RPS6KC1: variants seen among roughly 807,000 people sequenced by gnomAD.
The protein encoded by RPS6KC1 is ribosomal protein S6 kinase C1.
RPS6KC1 carries 54 observed loss-of-function variants against 103.8 expected under a neutral mutation model. The ratio of observed to expected loss-of-function variants is 0.52; its 90% CI spans 0.42 to 0.65. The LOEUF (loss-of-function observed/expected upper bound fraction) is 0.65. Ranked by LOEUF, RPS6KC1 falls within the 30% of genes least tolerant of loss-of-function variation. The pLI, the probability that RPS6KC1 is intolerant of heterozygous loss-of-function variation, is 0.00. For synonymous variants in RPS6KC1, 439 were observed against 438.7 expected (o/e 1.00, Z -0.01); for missense variants, 1,151 against 1,253.8 (o/e 0.92, Z 1.24).
At chr1:213,104,381 C>G (rs778463671) in intron 3 of RPS6KC1, 73 bp from the exon 4 acceptor site, 5 of 950,352 alleles carry the variant, frequency 5.3e-6, no homozygotes, top group Non-Finnish European at 8.3e-6. Flanking sequence ...GCTTTCTGAT[C>G]TGTGGACGTA....
chr1:213,815,023 A>T, the RPS6KC1 span, among the ~76,000 whole-genome samples: 1 of 152,114 alleles, frequency 6.6e-6, no homozygotes, highest in Admixed American at 6.5e-5. Flanking sequence ...TAGTTTCCAT[A>T]ATCTCCACGT....
chr1:213,053,553 C>T (rs954726359), intron 1 of RPS6KC1, among the ~76,000 whole-genome samples: 3 of 152,140 alleles, frequency 2.0e-5, no homozygotes, highest in Non-Finnish European at 4.4e-5. Context: ...GTTTAGTATA[C>T]TTAAGTGTGA....
intron 6 of RPS6KC1, among the ~76,000 whole-genome samples, chr1:213,134,578 A>G (rs1262272067): frequency 6.6e-6 from 1 of 152,078 alleles, no homozygotes; most frequent in Non-Finnish European, 1.5e-5. Flanking sequence ...TTTATAGTTT[A>G]TTCTTGGGTA....
the RPS6KC1 span, among the ~76,000 whole-genome samples, chr1:213,302,055 T>C: frequency 2.4e-4 from 37 of 152,020 alleles, no homozygotes; most frequent in Admixed American, 2.0e-4. Flanking sequence ...TTTATAAAAA[T>C]AAAAATATAA....
At chr1:213,640,395 A>T in the RPS6KC1 span, among the ~76,000 whole-genome samples, 1 of 148,380 alleles carries the variant, frequency 6.7e-6, no homozygotes. Flanking sequence ...TTCTGTTTTC[A>T]GTTTCATTGA....
chr1:213,272,544 G>C lies in RPS6KC1; in HGVS notation c.3111G>C (p.Leu1037=), dbSNP rs926537902. 5 of 1,613,802 alleles carry C rather than the reference G, an allele frequency of 3.1e-6. No individual in the cohort carries two copies. The African/African-American group carries it at 6.7e-5, about 22-fold the overall frequency. ...TTTAGCTCTTGCAGTTCAATCCTCT[G>C]GAACGACTTGGTGCTGGAGTTGCTG... ...LIQQLLQFNP[L]ERLGAGVAGV... Residue 1037 remains leucine (L), a synonymous_variant, in exon 15 of 15, where the codon CTG becomes CTC. Coordinates refer to ENST00000366960, the MANE Select transcript of RPS6KC1 (RefSeq NM_012424.6).
the RPS6KC1 span, among the ~76,000 whole-genome samples, chr1:213,497,973 CA>C: frequency 6.6e-6 from 1 of 151,698 alleles, no homozygotes; most frequent in East Asian, 1.9e-4. Context: ...AACTAATGAC[CA>C]AAAAAGTTGG....
chr1:213,734,707 A>T, the RPS6KC1 span, among the ~76,000 whole-genome samples: 2 of 152,258 alleles, frequency 1.3e-5, no homozygotes, highest in African/African-American at 4.8e-5. Flanking sequence ...TATAATGTTC[A>T]TTTCAAATAG....
chr1:213,436,751 A>G, the RPS6KC1 span, among the ~76,000 whole-genome samples: 1 of 152,186 alleles, frequency 6.6e-6, no homozygotes, highest in Non-Finnish European at 1.5e-5. Context: ...ACTCCTAGGT[A>G]TTTGAAATTT....
At chr1:213,151,347 T>C (rs2088845143) in intron 6 of RPS6KC1, among the ~76,000 whole-genome samples, 2 of 120,286 alleles carry the variant, frequency 1.7e-5, no homozygotes, top group African/African-American at 6.7e-5. Flanking sequence ...GGCGGGGGGC[T>C]AACCCCCCCA....
intron 3 of RPS6KC1, among the ~76,000 whole-genome samples, 176 bp from the exon 4 acceptor site, chr1:213,104,278 A>C (rs1020180586): frequency 6.6e-6 from 1 of 152,132 alleles, no homozygotes; most frequent in Non-Finnish European, 1.5e-5. Flanking sequence ...TTTCTTTTCT[A>C]CTGAGAGTAC....
intron 10 of RPS6KC1, among the ~76,000 whole-genome samples, chr1:213,236,146 T>G (rs1253807654): frequency 6.6e-6 from 1 of 152,064 alleles, no homozygotes; most frequent in Non-Finnish European, 1.5e-5. Flanking sequence ...TGCCTGATGA[T>G]CTGAGGTGGA....
chr1:213,378,641 G>A, the RPS6KC1 span, among the ~76,000 whole-genome samples: 1 of 152,094 alleles, frequency 6.6e-6, no homozygotes, highest in African/African-American at 2.4e-5. Flanking sequence ...AATAAATGAT[G>A]GATACACATA....
chr1:213,464,727 G>C, the RPS6KC1 span, among the ~76,000 whole-genome samples: 1 of 150,812 alleles, frequency 6.6e-6, no homozygotes, highest in Non-Finnish European at 1.5e-5. Flanking sequence ...CATTGATTTC[G>C]GTATGTCGTA....
chr1:213,598,274 A>G, the RPS6KC1 span, among the ~76,000 whole-genome samples: 1 of 152,228 alleles, frequency 6.6e-6, no homozygotes, highest in Non-Finnish European at 1.5e-5. Context: ...ATCACTAGCT[A>G]GTTAAAAGAG....
chr1:213,641,653 A>G, the RPS6KC1 span, among the ~76,000 whole-genome samples: 1 of 151,990 alleles, frequency 6.6e-6, no homozygotes, highest in Admixed American at 6.6e-5. Flanking sequence ...TTAAAAGTTT[A>G]TCAGATCACT....
At chr1:213,490,296 G>A in the RPS6KC1 span, among the ~76,000 whole-genome samples, 6 of 152,102 alleles carry the variant, frequency 3.9e-5, no homozygotes, top group African/African-American at 1.4e-4. Flanking sequence ...CGTTGAAAGC[G>A]GCTTAATATG....
the RPS6KC1 span, among the ~76,000 whole-genome samples, chr1:213,425,614 G>A: frequency 2.6e-5 from 4 of 152,116 alleles, no homozygotes; most frequent in Admixed American, 1.3e-4. Flanking sequence ...GTGGAAAAAC[G>A]GCAAGGCGCA....
At chr1:213,217,983 C>T (rs1240261203) in intron 8 of RPS6KC1, among the ~76,000 whole-genome samples, 1 of 152,190 alleles carries the variant, frequency 6.6e-6, no homozygotes, top group Admixed American at 6.5e-5. Context: ...TACCCTCTCT[C>T]ACCACTCCTA....
Sources: gnomAD v4.1 joint callset for allele counts (sites outside exome capture counted in the v4.1 genomes callset) on GRCh38, gnomAD v4.1.1 for gene constraint, MANE v1.5 for transcripts, NCBI Gene and HGNC (gene_info 2026-07-23, HGNC 2026-07-21) for gene names.